Variants in MGST1 observed in about 807,000 individuals in gnomAD.
MGST1 encodes the protein microsomal glutathione S-transferase 1, also known as glutathione S-transferase 12.
A neutral mutation model predicts 8.9 loss-of-function variants in MGST1; 5 were observed. The observed-to-expected ratio is 0.56, with a 90% CI of 0.29 to 1.19. The LOEUF (loss-of-function observed/expected upper bound fraction) is 1.19. Ranked by LOEUF, MGST1 falls within the 50% of genes most tolerant of loss-of-function variation. The pLI, the probability that MGST1 is intolerant of heterozygous loss-of-function variation, is 0.08. For synonymous variants in MGST1, 54 were observed against 67.8 expected (o/e 0.80, Z 1.00); for missense variants, 182 against 187.4 (o/e 0.97, Z 0.17).
chr12:16,406,350 AACC>A (rs1940697743), intron 1 of MGST1, among the ~76,000 whole-genome samples: 1 of 152,178 alleles, frequency 6.6e-6, no homozygotes, highest in Non-Finnish European at 1.5e-5. Flanking sequence ...GAATACAGCT[AACC>A]ACGGAGGTGA....
chr12:16,396,669 C>CGG (rs1940609358), intron 1 of MGST1, among the ~76,000 whole-genome samples: 1 of 152,130 alleles, frequency 6.6e-6, no homozygotes, highest in South Asian at 2.1e-4. Flanking sequence ...AAATAAAGAA[C>CGG]TCAACTCCTC....
downstream of MGST1, among the ~76,000 whole-genome samples, chr12:16,381,904 T>C (rs1940456697): frequency 6.6e-6 from 1 of 152,224 alleles, no homozygotes; most frequent in South Asian, 2.1e-4. Context: ...CCATCACTGA[T>C]ACCCTTTCTT....
chr12:16,507,976 A>G, intron 4 of MGST1, among the ~76,000 whole-genome samples: 1 of 152,130 alleles, frequency 6.6e-6, no homozygotes, highest in East Asian at 1.9e-4. Context: ...AGCCACATCA[A>G]ATTATGTCCC....
intron 4 of MGST1, among the ~76,000 whole-genome samples, chr12:16,484,708 G>C (rs189354075): frequency 5.8e-4 from 89 of 152,186 alleles, no homozygotes; most frequent in African/African-American, 2.1e-3. Context: ...GTCATGAGAA[G>C]TGTCATGAGA....
At chr12:16,400,156 T>G in intron 1 of MGST1, 1 of 1,316,910 alleles carries the variant, frequency 7.6e-7, no homozygotes, top group Admixed American at 1.7e-5. Context: ...ATCTCGGTCA[T>G]GCATATGTTG....
At chr12:16,387,565 T>C (rs554242348) in intron 1 of MGST1, among the ~76,000 whole-genome samples, 35 of 151,892 alleles carry the variant, frequency 2.3e-4, no homozygotes, top group East Asian at 7.8e-4. Context: ...CTCGCTCTGT[T>C]GCCCAGGCTG....
At chr12:16,400,649 G>A (rs970610171) in intron 1 of MGST1, 7 of 1,491,808 alleles carry the variant, frequency 4.7e-6, no homozygotes, top group African/African-American at 1.4e-5. Context: ...GACAAAAGTC[G>A]CTTCAGGGTT....
At chr12:16,491,701 T>C (rs961827446) in intron 4 of MGST1, among the ~76,000 whole-genome samples, 5 of 152,226 alleles carry the variant, frequency 3.3e-5, no homozygotes, top group African/African-American at 1.2e-4. Context: ...CAAGGTGATG[T>C]GAACATTTCT....
intron 4 of MGST1, among the ~76,000 whole-genome samples, chr12:16,480,315 G>A (rs1941356299): frequency 6.6e-6 from 1 of 151,732 alleles, no homozygotes; most frequent in African/African-American, 2.4e-5. Context: ...GCTAATTTTT[G>A]TATTTTTAGT....
At chr12:16,496,086 T>G (rs562769144) in intron 4 of MGST1, among the ~76,000 whole-genome samples, 1 of 152,254 alleles carries the variant, frequency 6.6e-6, no homozygotes, top group African/African-American at 2.4e-5. Flanking sequence ...TGGAAAGCTG[T>G]CTGTCATACT....
chr12:16,485,974 G>T (rs1160881568), intron 4 of MGST1, among the ~76,000 whole-genome samples: 1 of 152,086 alleles, frequency 6.6e-6, no homozygotes, highest in African/African-American at 2.4e-5. Flanking sequence ...CACATAAGGG[G>T]CTTCGATGAC....
intron 4 of MGST1, among the ~76,000 whole-genome samples, chr12:16,514,950 C>A (rs1941602436): frequency 6.6e-6 from 1 of 152,182 alleles, no homozygotes; most frequent in Admixed American, 6.5e-5. Context: ...GCAAGAAAGT[C>A]ATCACACAAG....
intron 1 of MGST1, among the ~76,000 whole-genome samples, chr12:16,433,798 C>T (rs547808650): frequency 6.6e-6 from 1 of 152,130 alleles, no homozygotes; most frequent in Non-Finnish European, 1.5e-5. Flanking sequence ...ATCTCAATGT[C>T]CCCCAAGGCG....
At chr12:16,352,157 A>G (rs557046024) in intron 1 of MGST1, among the ~76,000 whole-genome samples, 1 of 152,208 alleles carries the variant, frequency 6.6e-6, no homozygotes, top group Non-Finnish European at 1.5e-5. Context: ...TGACAATTGT[A>G]ATAGATTAAC....
chr12:16,456,182 T>C (rs959290149), intron 4 of MGST1, among the ~76,000 whole-genome samples: 1 of 151,878 alleles, frequency 6.6e-6, no homozygotes, highest in African/African-American at 2.4e-5. Context: ...TAGTTACAGT[T>C]TGTTAAACCT....
rs1476299564 is a variant in MGST1, at chr12:16,437,861, A to G, written n.1252A>G. On this transcript the variant is annotated non_coding_transcript_exon_variant, in exon 2 of 2. Coordinates refer to the MGST1 transcript ENST00000359720. ...CATAAGGTGACTTGTTGGTAGTCACATAAAAAGTAGAAAAAAACCCCTCTG... is the reference window on the plus strand; with the variant it reads ...CATAAGGTGACTTGTTGGTAGTCACGTAAAAAGTAGAAAAAAACCCCTCTG... 1.3e-4 allele frequency: 4 copies of G among 31,454 alleles called. No individual in the cohort carries two copies. The East Asian group carries it at 3.9e-3, about 31-fold the overall frequency. The allele number at this position is 31,454 out of a possible 1,614,324, so 1.9% of individuals were successfully genotyped here. A position where few individuals can be genotyped will look rare whatever the true frequency, so the allele number is the denominator to read the frequency against.
intron 1 of MGST1, among the ~76,000 whole-genome samples, chr12:16,348,060 G>A (rs2947108): frequency 4.4e-4 from 67 of 152,140 alleles, no homozygotes; most frequent in African/African-American, 1.4e-3. Context: ...TAGTAATGGA[G>A]GAAATGCCTG....
chr12:16,379,424 G>A (rs1565443599), downstream of MGST1, among the ~76,000 whole-genome samples: 1 of 152,036 alleles, frequency 6.6e-6, no homozygotes, highest in Non-Finnish European at 1.5e-5. Context: ...TTTTGTCTTT[G>A]GTTCTGTTTA....
At chr12:16,417,552 C>T (rs571094774) in intron 1 of MGST1, among the ~76,000 whole-genome samples, 1 of 152,242 alleles carries the variant, frequency 6.6e-6, no homozygotes, top group Admixed American at 6.5e-5. Flanking sequence ...GACCAGTGCC[C>T]TGCCAATGGA....
Sources: allele counts gnomAD v4.1 joint callset (sites outside exome capture counted in the v4.1 genomes callset), GRCh38; gene constraint gnomAD v4.1.1; transcripts MANE v1.5; gene names NCBI Gene and HGNC (gene_info 2026-07-23, HGNC 2026-07-21).